Variants in GALK2 observed in about 807,000 individuals in gnomAD.
The protein encoded by GALK2 is galactokinase 2, also known as N-acetylgalactosamine kinase.
GALK2 carries 36 observed loss-of-function variants against 52.4 expected under a neutral mutation model. That is an observed-to-expected ratio of 0.69 (90% confidence interval 0.53 to 0.91). The LOEUF (loss-of-function observed/expected upper bound fraction) is 0.91, where lower values mean the gene tolerates loss of function less well. Ranked by LOEUF, GALK2 falls within the 40% of genes least tolerant of loss-of-function variation. The pLI is 0.00. For synonymous variants in GALK2, 176 were observed against 199.1 expected (o/e 0.88, Z 0.98); for missense variants, 579 against 559.1 (o/e 1.04, Z -0.36).
At chr15:49,269,960 A>G (rs1272022402) in intron 5 of GALK2, among the ~76,000 whole-genome samples, 1 of 152,228 alleles carries the variant, frequency 6.6e-6, no homozygotes, top group African/African-American at 2.4e-5. Flanking sequence ...TCTAAGCCAC[A>G]CATCCACTGT....
intron 3 of GALK2, among the ~76,000 whole-genome samples, chr15:49,361,531 GT>G (rs1201541267): frequency 6.6e-6 from 1 of 151,990 alleles, no homozygotes; most frequent in African/African-American, 2.4e-5. Flanking sequence ...GTTCACTTAG[GT>G]TAATGGCCTC....
intron 5 of GALK2, among the ~76,000 whole-genome samples, chr15:49,272,111 T>C (rs1201123697): frequency 6.6e-6 from 1 of 152,178 alleles, no homozygotes; most frequent in African/African-American, 2.4e-5. Flanking sequence ...CAAGGTAGCT[T>C]GGTGGACTTT....
intron 3 of GALK2, among the ~76,000 whole-genome samples, chr15:49,356,045 G>C (rs1203196223): frequency 5.3e-5 from 8 of 151,526 alleles, no homozygotes; most frequent in African/African-American, 1.2e-4. Context: ...AATGCTGAGA[G>C]ATTTTCTCAC....
At chr15:49,366,019 G>A (rs1438445343) in intron 3 of GALK2, 4 of 802,128 alleles carry the variant, frequency 5.0e-6, no homozygotes, top group African/African-American at 3.4e-5. Flanking sequence ...TATTACAACT[G>A]TAAGAGGACT....
In GALK2 at chr15:49,292,334, C is replaced by T; in HGVS notation, c.764C>T (p.Ala255Val). 1 of 1,613,668 alleles carries T rather than the reference C, an allele frequency of 6.2e-7. No homozygotes were observed. Among genetic ancestry groups the T allele is most frequent in the South Asian group, 1.1e-5 (1 of 91,004 alleles). Residue 255 changes from alanine to valine, a missense_variant, in exon 8 of 10, where the codon GCT (alanine) becomes GTT (valine). Coordinates refer to ENST00000560031, the MANE Select transcript of GALK2 (RefSeq NM_002044.4). The stretch of plus-strand genomic sequence containing the variant: ...CTTGATTTGAATTTGCAGCTCCTGG[C>T]TAAATACAAAAGCTTGCAATGGGAC... Reference protein sequence around the residue: ...MECRLAAKLLAKYKSLQWDKV... With the variant: ...MECRLAAKLLVKYKSLQWDKV...
At position 49,181,073 on chromosome 15, in the gene GALK2, C is replaced by T. The variant is rs572652833; in HGVS notation, c.53+10698C>T. On this transcript the variant is annotated intron_variant, in intron 1 of 9. Coordinates refer to ENST00000560031, the MANE Select transcript of GALK2 (RefSeq NM_002044.4). Reference sequence around the variant, plus strand: ...CTTCCCTCCCTCCCTCCCTTTCCTTCCTTTTCTTTCCTTCCTCTTCCCTCC... The same window carrying T: ...CTTCCCTCCCTCCCTCCCTTTCCTTTCTTTTCTTTCCTTCCTCTTCCCTCC... 4.4e-4 allele frequency among the ~76,000 whole-genome samples: 50 copies of T among 112,976 alleles called. 1 individual carries two copies. The highest frequency in any genetic ancestry group is 0.011 in the Middle Eastern group (2 of 188). 74.1% of individuals were successfully genotyped at this position (112,976 alleles called of 152,430 possible).
chr15:49,203,403 T>C (rs1014639676), intron 2 of GALK2, among the ~76,000 whole-genome samples: 1 of 152,172 alleles, frequency 6.6e-6, no homozygotes, highest in South Asian at 2.1e-4. Context: ...TGAGTTAAGT[T>C]TTTTATATAT....
At chr15:49,169,475 A>C (rs936895879), upstream of GALK2, among the ~76,000 whole-genome samples, 1 of 152,138 alleles carries the variant, frequency 6.6e-6, no homozygotes, top group Non-Finnish European at 1.5e-5. Flanking sequence ...ATTAAAAACC[A>C]ATCTGCCTGC....
chr15:49,197,741 C>G (rs1374714632), intron 1 of GALK2, among the ~76,000 whole-genome samples: 1 of 152,114 alleles, frequency 6.6e-6, no homozygotes, highest in African/African-American at 2.4e-5. Flanking sequence ...TAATTATATA[C>G]TATGGTACAT....
intron 3 of GALK2, among the ~76,000 whole-genome samples, chr15:49,357,391 G>A (rs2043343293): frequency 6.7e-6 from 1 of 149,460 alleles, no homozygotes; most frequent in Admixed American, 6.7e-5. Flanking sequence ...AATAAAAAAT[G>A]ATAAAGGGGA....
chr15:49,208,279 T>C (rs2088493840), intron 2 of GALK2, among the ~76,000 whole-genome samples: 1 of 152,172 alleles, frequency 6.6e-6, no homozygotes, highest in East Asian at 1.9e-4. Context: ...CTTTTTGATG[T>C]AGGTGTTTAG....
intron 3 of GALK2, among the ~76,000 whole-genome samples, chr15:49,234,728 A>C (rs1043682466): frequency 2.0e-5 from 3 of 152,146 alleles, no homozygotes; most frequent in Non-Finnish European, 2.9e-5. Flanking sequence ...CTACAATTCA[A>C]GATGAGATTT....
chr15:49,328,540 CT>C lies in GALK2; in HGVS notation c.*383del. 6.2e-7 allele frequency: 1 copy of C among 1,606,784 alleles called. No homozygotes were observed. Among genetic ancestry groups the C allele is most frequent in the African/African-American group, 1.3e-5 (1 of 74,950 alleles). ...ATACCACTGAATTGTATGCATTATT[CT>C]TGAATAGAGTTCATTTCTGGTTTCT... On this transcript the variant is annotated 3_prime_UTR_variant, in exon 10 of 10. Transcript: ENST00000560031.
chr15:49,357,581 T>C (rs1031108331), intron 3 of GALK2, among the ~76,000 whole-genome samples: 1 of 151,264 alleles, frequency 6.6e-6, no homozygotes, highest in Non-Finnish European at 1.5e-5. Flanking sequence ...GGAGCTGAAA[T>C]TGTGGCAATA....
intron 8 of GALK2, among the ~76,000 whole-genome samples, chr15:49,316,180 C>A (rs936556297): frequency 6.6e-6 from 1 of 152,084 alleles, no homozygotes; most frequent in African/African-American, 2.4e-5. Context: ...TTGGTGTAAA[C>A]CAGTTGAAAT....
At chr15:49,200,796 A>G (rs1291995737) in intron 1 of GALK2, among the ~76,000 whole-genome samples, 1 of 152,204 alleles carries the variant, frequency 6.6e-6, no homozygotes, top group African/African-American at 2.4e-5. Flanking sequence ...CGCATGGTAC[A>G]CTTTTAATGT....
chr15:49,184,330 T>C (rs2086193795), intron 1 of GALK2, among the ~76,000 whole-genome samples: 1 of 152,174 alleles, frequency 6.6e-6, no homozygotes, highest in Non-Finnish European at 1.5e-5. Context: ...AATATCTTTT[T>C]TCATCTGTTT....
intron 5 of GALK2, among the ~76,000 whole-genome samples, chr15:49,265,594 G>C (rs1012449133): frequency 1.3e-5 from 2 of 152,234 alleles, no homozygotes; most frequent in African/African-American, 2.4e-5. Context: ...TGTGCCCACT[G>C]TCTGGCACTC....
chr15:49,198,177 TTTG>T (rs1487232871), intron 1 of GALK2, among the ~76,000 whole-genome samples: 9 of 152,192 alleles, frequency 5.9e-5, no homozygotes, highest in South Asian at 2.1e-4. Flanking sequence ...TGTATTCTTT[TTTG>T]TTGTTGTTGT....
Sources: allele counts gnomAD v4.1 joint callset (sites outside exome capture counted in the v4.1 genomes callset), GRCh38; gene constraint gnomAD v4.1.1; transcripts MANE v1.5; gene names NCBI Gene and HGNC (gene_info 2026-07-23, HGNC 2026-07-21).